The following RNF212B variants were observed in gnomAD, a reference collection of about 807,000 sequenced individuals.
The protein encoded by RNF212B is E3 ubiquitin-protein ligase RNF212B.
In RNF212B, 52 loss-of-function variants were observed where a neutral mutation model predicts 55.5. The observed-to-expected ratio is 0.94, with a 90% CI of 0.75 to 1.18. The LOEUF (loss-of-function observed/expected upper bound fraction) is 1.18, where lower values mean the gene tolerates loss of function less well. Ranked by LOEUF, RNF212B falls within the 50% of genes most tolerant of loss-of-function variation. The pLI, the probability that RNF212B is intolerant of heterozygous loss-of-function variation, is 0.00. For missense variants in RNF212B, 289 were observed against 350.4 expected (o/e 0.82, Z 1.40); for synonymous variants, 99 against 121.4 (o/e 0.82, Z 1.21).
chr14:23,219,477 GTTTT>G (rs149486751), intron 2 of RNF212B, among the ~76,000 whole-genome samples: 1 of 145,094 alleles, frequency 6.9e-6, no homozygotes, highest in East Asian at 2.0e-4. Flanking sequence ...TCTCCTTCTA[GTTTT>G]TTTTTTTTTT....
rs1566424088 is a variant in RNF212B, at chr14:23,243,247, T to C, written c.101-9T>C. The C allele has an allele frequency of 1.3e-6, 2 of 1,549,538 alleles. No homozygotes were observed. The highest frequency in any genetic ancestry group is 1.7e-6 in the Non-Finnish European group (2 of 1,146,658). On this transcript the variant is annotated splice_polypyrimidine_tract_variant and intron_variant, in intron 2 of 14. Transcript: ENST00000430154. ...GAGAGCCAAATATTTTTTTCCCTTTTCCTCCCAGAAAAATGTGCTGTTTGT... is the reference window on the plus strand; with the variant it reads ...GAGAGCCAAATATTTTTTTCCCTTTCCCTCCCAGAAAAATGTGCTGTTTGT...
In RNF212B at chr14:23,262,579, T is replaced by C; in HGVS notation, c.435-86T>C. The C allele has an allele frequency of 3.5e-6, 4 of 1,151,170 alleles. No individual in the cohort carries two copies. In the South Asian group the frequency reaches 4.3e-5, roughly 12 times the overall value. 71.3% of individuals were successfully genotyped at this position (1,151,170 alleles called of 1,614,324 possible). On this transcript the variant is annotated intron_variant, in intron 7 of 14. Transcript: ENST00000430154. The stretch of plus-strand genomic sequence containing the variant: ...CCTCAGAGAGGAAGCTATTATTCTA[T>C]AAACAATGATCTGATTGATCCTCTA...
intron 2 of RNF212B, among the ~76,000 whole-genome samples, chr14:23,216,512 G>C (rs912631079): frequency 2.0e-5 from 3 of 150,726 alleles, no homozygotes; most frequent in African/African-American, 7.3e-5. Flanking sequence ...CGACAGAACA[G>C]ATTAAAAAAC....
intron 2 of RNF212B, among the ~76,000 whole-genome samples, chr14:23,208,708 A>AAG (rs527672932): frequency 1.1e-3 from 160 of 151,618 alleles, no homozygotes; most frequent in African/African-American, 3.9e-3. Context: ...AAAGGAATAA[A>AAG]AGAATGGCTA....
At chr14:23,220,816 C>T (rs1337582111) in intron 2 of RNF212B, among the ~76,000 whole-genome samples, 1 of 150,376 alleles carries the variant, frequency 6.6e-6, no homozygotes, top group East Asian at 1.9e-4. Context: ...CAGAGCAAGA[C>T]TCCATCAAAA....
chr14:23,228,433 T>C (rs1163927467), intron 2 of RNF212B, among the ~76,000 whole-genome samples: 3 of 131,954 alleles, frequency 2.3e-5, no homozygotes, highest in Non-Finnish European at 3.1e-5. Flanking sequence ...GAGGCCAGCC[T>C]GGCCCACATA....
chr14:23,223,618 G>C (rs908061630), intron 2 of RNF212B, among the ~76,000 whole-genome samples: 2 of 152,172 alleles, frequency 1.3e-5, no homozygotes, highest in Admixed American at 6.5e-5. Flanking sequence ...GCCTCCCAAA[G>C]TGCTGGGATT....
At chr14:23,206,059 A>C (rs765410333) in intron 2 of RNF212B, among the ~76,000 whole-genome samples, 43 of 152,200 alleles carry the variant, frequency 2.8e-4, no homozygotes, top group Non-Finnish European at 5.7e-4. Flanking sequence ...TTATTACATA[A>C]ACCTGAAAAA....
At chr14:23,215,426 A>G (rs1034641924) in intron 2 of RNF212B, among the ~76,000 whole-genome samples, 3 of 152,146 alleles carry the variant, frequency 2.0e-5, no homozygotes, top group Non-Finnish European at 4.4e-5. Flanking sequence ...CAATTCTTAA[A>G]CCCAGGAATT....
chr14:23,208,757 G>GTTTTTTTTTTTTTT lies in RNF212B; in HGVS notation c.-2+15362_-2+15375dup, dbSNP rs1166613606. Among the ~76,000 whole-genome samples the GTTTTTTTTTTTTTT allele has an allele frequency of 1.4e-4, 14 of 98,116 alleles. 2 individuals are homozygous for GTTTTTTTTTTTTTT. Among genetic ancestry groups the GTTTTTTTTTTTTTT allele is most frequent in the African/African-American group, 6.4e-4 (14 of 21,896 alleles). 64.4% of individuals were successfully genotyped at this position (98,116 alleles called of 152,430 possible). A position where few individuals can be genotyped will look rare whatever the true frequency, so the allele number is the denominator to read the frequency against. ...GCAGTCCCAAGGGCTGCTGGTTGCC[G>GTTTTTTTTTTTTTT]TTTTTTTTTTTTTTTTTTTGAGACG... is the stretch of plus-strand genomic sequence containing the variant. On this transcript the variant is annotated intron_variant, in intron 2 of 15. Transcript: ENST00000399910.
At chr14:23,198,363 A>G (rs1246084093) in intron 2 of RNF212B, among the ~76,000 whole-genome samples, 1 of 152,198 alleles carries the variant, frequency 6.6e-6, no homozygotes, top group Non-Finnish European at 1.5e-5. Context: ...TTATAATCAA[A>G]TTTCTTCAAA....
intron 4 of RNF212B, among the ~76,000 whole-genome samples, chr14:23,253,578 C>T (rs991435587): frequency 2.6e-5 from 4 of 152,044 alleles, no homozygotes; most frequent in Non-Finnish European, 5.9e-5. Flanking sequence ...TGTATTCCAC[C>T]AAGAGGTACT....
chr14:23,217,566 C>CAG (rs1040315317), intron 2 of RNF212B, among the ~76,000 whole-genome samples: 3 of 152,084 alleles, frequency 2.0e-5, no homozygotes, highest in Non-Finnish European at 4.4e-5. Flanking sequence ...GCTGAGCACA[C>CAG]AGAGAGAGAG....
intron 2 of RNF212B, among the ~76,000 whole-genome samples, chr14:23,209,360 G>A (rs1306365912): frequency 1.3e-5 from 2 of 152,082 alleles, no homozygotes; most frequent in Non-Finnish European, 2.9e-5. Context: ...TAACCATCTG[G>A]GAATGCAGCT....
chr14:23,257,767 A>G (rs1884954884), intron 4 of RNF212B, among the ~76,000 whole-genome samples: 1 of 152,208 alleles, frequency 6.6e-6, no homozygotes, highest in South Asian at 2.1e-4. Flanking sequence ...CAGAAAAAAA[A>G]TTCAAGCATA....
chr14:23,217,256 G>GA (rs1555312325), intron 2 of RNF212B, among the ~76,000 whole-genome samples: 1,912 of 18,966 alleles, frequency 0.1, 54 homozygotes, highest in African/African-American at 0.31. Flanking sequence ...TGGCAGTGGT[G>GA]GGGGGGGGGC....
rs1886008670 is a variant in RNF212B at position 23,270,640 on chromosome 14, T to A, written c.813T>A (p.Ser271Arg). 6.5e-7 allele frequency: 1 copy of A among 1,550,366 alleles called. No individual in the cohort carries two copies. The highest frequency in any genetic ancestry group is 1.4e-5 in the African/African-American group (1 of 73,058). Residue 271 changes from serine (S) to arginine (R), a missense_variant, in exon 14 of 15, where the codon AGT becomes AGA. By Grantham distance (110) the Ser-to-Arg change is moderately radical (BLOSUM62 -1). Coordinates refer to ENST00000430154, the MANE Select transcript of RNF212B (RefSeq NM_001282322.3). ...ESTTTLESLP[S>R]FQLPVLQTLY... ...CAACTACACTAGAGAGTCTTCCTAG[T>A]TTCCAGCTACCAGTCCTGCAGGTGA...
At chr14:23,208,631 A>G (rs1880094949) in intron 2 of RNF212B, among the ~76,000 whole-genome samples, 1 of 152,172 alleles carries the variant, frequency 6.6e-6, no homozygotes, top group Non-Finnish European at 1.5e-5. Context: ...GAGTTCTTGG[A>G]TCTCACTCAA....
At chr14:23,209,277 C>A (rs972809306) in intron 2 of RNF212B, among the ~76,000 whole-genome samples, 1 of 151,988 alleles carries the variant, frequency 6.6e-6, no homozygotes, top group East Asian at 1.9e-4. Context: ...TTTACCGCAA[C>A]CTGTTTTACC....
Sources: allele counts gnomAD v4.1 joint callset (sites outside exome capture counted in the v4.1 genomes callset), GRCh38; gene constraint gnomAD v4.1.1; transcripts MANE v1.5; gene names NCBI Gene and HGNC (gene_info 2026-07-23, HGNC 2026-07-21).